The following ANKS1A variants were observed in gnomAD, a reference collection of about 807,000 sequenced individuals.
ANKS1A encodes ankyrin repeat and sterile alpha motif domain containing 1A, also known as ankyrin repeat and SAM domain-containing protein 1A.
ANKS1A carries 55 observed loss-of-function variants against 120.3 expected under a neutral mutation model. That is an observed-to-expected ratio of 0.46 (90% CI 0.37 to 0.57). ANKS1A has a LOEUF of 0.57. ANKS1A is among the 20% of genes least tolerant of loss of function. ANKS1A has a pLI of 0.00. For missense variants in ANKS1A, 1,123 were observed against 1,480.3 expected (o/e 0.76, Z 3.96); for synonymous variants, 590 against 604.7 (o/e 0.98, Z 0.36).
chr6:34,960,870 GCAGAGA>G (rs1226089067), intron 1 of ANKS1A, among the ~76,000 whole-genome samples: 2 of 152,228 alleles, frequency 1.3e-5, no homozygotes, highest in Non-Finnish European at 2.9e-5. Context: ...CTTTACAAAT[GCAGAGA>G]CAGTAGTGTG....
rs541719592 is a variant in ANKS1A at position 35,037,663 on chromosome 6, G to A, written c.2011-16436G>A. Among the ~76,000 whole-genome samples the A allele has an allele frequency of 2.4e-4, 37 of 152,252 alleles. 1 individual carries two copies. Among genetic ancestry groups the A allele is most frequent in the Admixed American group, 1.0e-3 (16 of 15,306 alleles). The stretch of plus-strand genomic sequence containing the variant: ...CACCTAGTGGGAGTAGGGGCAGGAC[G>A]TTAATTCCCTCTTGCTTTCAGTCTA... On this transcript the variant is annotated intron_variant, in intron 11 of 23. Transcript: ENST00000360359.
intron 11 of ANKS1A, among the ~76,000 whole-genome samples, chr6:35,026,431 T>C (rs748571435): frequency 6.6e-5 from 10 of 152,242 alleles, no homozygotes; most frequent in Non-Finnish European, 1.5e-4. Context: ...ACAAATCCTC[T>C]TGCCCTCATG....
chr6:35,092,616 C>G (rs570865181), downstream of ANKS1A, among the ~76,000 whole-genome samples: 81 of 152,190 alleles, frequency 5.3e-4, no homozygotes, highest in Non-Finnish European at 1.1e-3. Flanking sequence ...GCGCTCTTTC[C>G]TAAGCAGAAG....
At chr6:34,966,053 A>G (rs904498095) in intron 1 of ANKS1A, among the ~76,000 whole-genome samples, 1 of 152,140 alleles carries the variant, frequency 6.6e-6, no homozygotes, top group Non-Finnish European at 1.5e-5. Context: ...TGTGTCATTG[A>G]TTCTTCAATA....
In ANKS1A at chr6:34,994,378, C is replaced by T. The variant is rs780259794; in HGVS notation, c.1379C>T (p.Thr460Ile). The change falls in exon 10 of 24, where the codon ACA becomes ATA. Residue 460 changes from threonine (T) to isoleucine (I), a missense_variant. Thr to Ile is a moderately conservative substitution (Grantham distance 89). Around this residue, in one of 3 missense-constraint regions of ANKS1A, gnomAD observed 904 missense variants for 1,130.4 expected, o/e 0.80. Coordinates refer to ENST00000360359, the MANE Select transcript of ANKS1A (RefSeq NM_015245.3). ...GAACACCCTTATGAACTGTTGTTAACAGCAGAGACAAAGAAAGTGGTGTTG... is the reference window on the plus strand; with the variant it reads ...GAACACCCTTATGAACTGTTGTTAATAGCAGAGACAAAGAAAGTGGTGTTG... ...EDEHPYELLL[T>I]AETKKVVLVD... 1.2e-6 allele frequency: 2 copies of T among 1,613,420 alleles called. No individual in the cohort carries two copies. The highest frequency in any genetic ancestry group is 2.7e-5 in the African/African-American group (2 of 74,904).
intron 3 of ANKS1A, among the ~76,000 whole-genome samples, 163 bp from the exon 4 acceptor site, chr6:34,981,527 G>T (rs779514086): frequency 7.2e-5 from 11 of 152,152 alleles, no homozygotes; most frequent in Non-Finnish European, 1.6e-4. Flanking sequence ...GACCAGTCAG[G>T]CTTGTTTGTG....
intron 11 of ANKS1A, among the ~76,000 whole-genome samples, chr6:35,029,754 CAT>C (rs1053610897): frequency 3.4e-5 from 5 of 148,044 alleles, no homozygotes; most frequent in Non-Finnish European, 1.5e-5. Flanking sequence ...ATTACATATA[CAT>C]ATATAATTAC....
At chr6:34,903,571 C>T (rs1767477312) in intron 1 of ANKS1A, among the ~76,000 whole-genome samples, 2 of 151,990 alleles carry the variant, frequency 1.3e-5, no homozygotes, top group Admixed American at 1.3e-4. Context: ...GATCTTGGCT[C>T]ACAGGGGCCT....
chr6:34,949,032 G>A (rs1561865465), intron 1 of ANKS1A, among the ~76,000 whole-genome samples: 1 of 152,192 alleles, frequency 6.6e-6, no homozygotes, highest in Non-Finnish European at 1.5e-5. Flanking sequence ...ATCCGTAAAG[G>A]TTTTGGACAA....
At chr6:34,917,997 C>T (rs1483779581) in intron 1 of ANKS1A, among the ~76,000 whole-genome samples, 1 of 152,184 alleles carries the variant, frequency 6.6e-6, no homozygotes, top group African/African-American at 2.4e-5. Flanking sequence ...GTCTCAGACT[C>T]ACTCCAGAAA....
intron 7 of ANKS1A, among the ~76,000 whole-genome samples, chr6:34,983,885 G>A (rs1772045552): frequency 6.7e-6 from 1 of 149,252 alleles, no homozygotes; most frequent in Non-Finnish European, 1.5e-5. Flanking sequence ...TCTGCCTCCC[G>A]GGTTCAAATG....
At chr6:34,931,209 C>T (rs1768966138) in intron 1 of ANKS1A, among the ~76,000 whole-genome samples, 1 of 147,494 alleles carries the variant, frequency 6.8e-6, no homozygotes, top group South Asian at 2.1e-4. Flanking sequence ...TACAGTGGTG[C>T]GATCTCAGCT....
intron 3 of ANKS1A, among the ~76,000 whole-genome samples, chr6:34,971,817 G>T (rs990435111): frequency 1.3e-5 from 2 of 152,146 alleles, no homozygotes; most frequent in African/African-American, 4.8e-5. Flanking sequence ...GAGATTGTGT[G>T]TATATAGCTG....
rs115361930 is a variant in ANKS1A at position 35,045,684 on chromosome 6, C to T, written c.2011-8415C>T. ...CCCACATATGGCTAGTGCTGTGATC[C>T]ACGGACGTTATTTTGATTTTCTCAT... On this transcript the variant is annotated intron_variant, in intron 11 of 23. Coordinates refer to ENST00000360359, the MANE Select transcript of ANKS1A (RefSeq NM_015245.3). Among the ~76,000 whole-genome samples the T allele has an allele frequency of 7.9e-3, 1,202 of 152,254 alleles. 9 individuals carry two copies. The highest frequency in any genetic ancestry group is 0.025 in the African/African-American group (1,020 of 41,546).
At chr6:34,921,783 G>A (rs757528529) in intron 1 of ANKS1A, among the ~76,000 whole-genome samples, 2 of 152,110 alleles carry the variant, frequency 1.3e-5, no homozygotes, top group Non-Finnish European at 2.9e-5. Flanking sequence ...CTGCAGCCTC[G>A]AACTCCTGGG....
At chr6:35,083,077 G>A in intron 18 of ANKS1A, 78 bp from the exon 19 acceptor site, 2 of 1,558,678 alleles carry the variant, frequency 1.3e-6, no homozygotes, top group Non-Finnish European at 1.8e-6. Context: ...TTGATTGTGG[G>A]ACAGTCCCAA....
chr6:34,993,230 A>G (rs1184678036), intron 9 of ANKS1A, among the ~76,000 whole-genome samples: 1 of 152,196 alleles, frequency 6.6e-6, no homozygotes, highest in African/African-American at 2.4e-5. Context: ...TCTTAGGACA[A>G]CTGGGCCAGA....
rs1778215184 is a variant in ANKS1A at position 35,090,071 on chromosome 6, A to AG, written c.*1464dup. ...TGGGGCTGTGTCTCTGACTGGCTAG[A>AG]GGCCAGGCCTTGTGGGTTTCTATCT... On this transcript the variant is annotated 3_prime_UTR_variant, in exon 24 of 24. Coordinates refer to ENST00000360359, the MANE Select transcript of ANKS1A (RefSeq NM_015245.3). 16 of 1,274,680 alleles carry AG rather than the reference A, an allele frequency of 1.3e-5. No individual in the cohort carries two copies. The highest frequency in any genetic ancestry group is 2.4e-5 in the Admixed American group (1 of 42,476). The allele number at this position is 1,274,680 out of a possible 1,614,324, so 79.0% of individuals were successfully genotyped here.
At chr6:35,029,394 G>A (rs1241683076) in intron 11 of ANKS1A, among the ~76,000 whole-genome samples, 2 of 145,926 alleles carry the variant, frequency 1.4e-5, no homozygotes, top group Non-Finnish European at 3.0e-5. Context: ...TGTCACCCCG[G>A]CTGGAGTGCA....
Sources: allele counts gnomAD v4.1 joint callset (sites outside exome capture counted in the v4.1 genomes callset), GRCh38; gene constraint gnomAD v4.1.1; regional missense constraint gnomAD v4.1.1; transcripts MANE v1.5; gene names NCBI Gene and HGNC (gene_info 2026-07-23, HGNC 2026-07-21).